CAB39: variants seen among roughly 807,000 people sequenced by gnomAD.
The protein encoded by CAB39 is calcium binding protein 39.
CAB39 carries 8 observed loss-of-function variants against 40.0 expected under a neutral mutation model. That is an observed-to-expected ratio of 0.20 (90% CI 0.12 to 0.36). CAB39 has a LOEUF of 0.36. Ranked by LOEUF, CAB39 falls within the 10% of genes least tolerant of loss-of-function variation. The pLI, the probability that CAB39 is intolerant of heterozygous loss-of-function variation, is 1.00. For synonymous variants in CAB39, 156 were observed against 141.6 expected, an observed-to-expected ratio of 1.10 and a Z score of -0.72; for missense variants, 270 against 401.1, an observed-to-expected ratio of 0.67 and a Z score of 2.79.
intron 1 of CAB39, among the ~76,000 whole-genome samples, chr2:230,715,211 T>A (rs1218619461): frequency 6.6e-6 from 1 of 152,228 alleles, no homozygotes; most frequent in Non-Finnish European, 1.5e-5. Flanking sequence ...ATGGAAGTCT[T>A]CTAAGCATGT....
chr2:230,777,100 G>A (rs963541192), intron 2 of CAB39, among the ~76,000 whole-genome samples: 3 of 152,016 alleles, frequency 2.0e-5, no homozygotes, highest in Admixed American at 1.3e-4. Context: ...TTCCTTCATA[G>A]ATTCTAATTT....
chr2:230,737,633 A>C (rs1694809806), intron 1 of CAB39, among the ~76,000 whole-genome samples: 1 of 152,262 alleles, frequency 6.6e-6, no homozygotes. Context: ...TTCTTCTGCC[A>C]AAATAGTAAA....
At chr2:230,724,751 C>CT (rs576437702) in intron 1 of CAB39, among the ~76,000 whole-genome samples, 5,338 of 111,708 alleles carry the variant, frequency 0.048, 304 homozygotes, top group African/African-American at 0.13. Context: ...CTCGTTTAAT[C>CT]TTTTTTTTTT....
chr2:230,808,534 A>G lies in CAB39; in HGVS notation c.568-1729A>G, dbSNP rs542638641. Among the ~76,000 whole-genome samples the G allele has an allele frequency of 3.9e-5, 6 of 152,376 alleles. 1 individual carries two copies. The highest frequency in any genetic ancestry group is 1.2e-4 in the African/African-American group (5 of 41,594). On this transcript the variant is annotated intron_variant, in intron 5 of 8. Transcript: ENST00000258418. ...CATCTGTGACCCCATGGACCACGGT[A>G]CGAAGATAATGGAAATTCTCTTACC...
chr2:230,724,860 AAGTGAG>A lies in CAB39; in HGVS notation c.-44+11631_-44+11636del, dbSNP rs527909867. On this transcript the variant is annotated intron_variant, in intron 1 of 8. Transcript: ENST00000258418. The stretch of plus-strand genomic sequence containing the variant: ...AGCCAAATGGTATCAAACGGATTGA[AAGTGAG>A]GGTGGGGGTGAGGGATGGGGCCGGG... Among the ~76,000 whole-genome samples the A allele has an allele frequency of 2.2e-3, 331 of 151,752 alleles. 1 individual carries two copies. Among genetic ancestry groups the A allele is most frequent in the African/African-American group, 7.8e-3 (322 of 41,342 alleles).
At chr2:230,752,030 C>T (rs1188589977) in intron 1 of CAB39, 1 of 11,834 alleles carries the variant, frequency 8.5e-5, no homozygotes. Flanking sequence ...ATTCTGACCA[C>T]CCCCCCCCCC....
intron 1 of CAB39, among the ~76,000 whole-genome samples, chr2:230,727,436 A>G (rs1183635013): frequency 8.0e-6 from 1 of 124,708 alleles, no homozygotes; most frequent in Non-Finnish European, 1.6e-5. Context: ...TTTTTTTGAG[A>G]CAGGGTCTTG....
At chr2:230,782,808 TC>T in intron 2 of CAB39, among the ~76,000 whole-genome samples, 1 of 124,964 alleles carries the variant, frequency 8.0e-6, no homozygotes. Flanking sequence ...TTTCTTTCTT[TC>T]TTTCTTTTTT....
intron 1 of CAB39, among the ~76,000 whole-genome samples, chr2:230,747,459 TGAATTACAGTG>T (rs943957586): frequency 3.9e-5 from 6 of 152,236 alleles, no homozygotes; most frequent in Non-Finnish European, 7.3e-5. Context: ...TGAGTTTAAT[TGAATTACAGTG>T]GACAAAATGA....
At chr2:230,750,758 A>G (rs1179554459) in intron 1 of CAB39, among the ~76,000 whole-genome samples, 1 of 152,210 alleles carries the variant, frequency 6.6e-6, no homozygotes, top group Admixed American at 6.5e-5. Flanking sequence ...TTATATTGCT[A>G]TCCAGTTTAT....
intron 1 of CAB39, among the ~76,000 whole-genome samples, chr2:230,727,254 G>A (rs769569709): frequency 2.0e-5 from 3 of 148,974 alleles, no homozygotes; most frequent in South Asian, 2.1e-4. Flanking sequence ...AATTGGAAGC[G>A]GGTACCCTTA....
chr2:230,766,297 G>C (rs1178206625), intron 2 of CAB39, among the ~76,000 whole-genome samples: 1 of 152,112 alleles, frequency 6.6e-6, no homozygotes, highest in African/African-American at 2.4e-5. Context: ...CAAGTAAAGA[G>C]GGGAAATTAT....
At chr2:230,802,536 G>A (rs945078317) in intron 5 of CAB39, among the ~76,000 whole-genome samples, 4 of 152,024 alleles carry the variant, frequency 2.6e-5, no homozygotes, top group Admixed American at 2.6e-4. Context: ...AAAGAAGAGA[G>A]AAGAATCAAA....
intron 1 of CAB39, among the ~76,000 whole-genome samples, chr2:230,716,728 G>A (rs917999154): frequency 9.2e-5 from 14 of 152,214 alleles, no homozygotes; most frequent in African/African-American, 3.1e-4. Context: ...CAGGCCGAGC[G>A]GGGTAGCTCA....
intron 2 of CAB39, among the ~76,000 whole-genome samples, chr2:230,788,693 A>G (rs184576449): frequency 1.4e-3 from 212 of 152,206 alleles, no homozygotes; most frequent in African/African-American, 4.9e-3. Context: ...TAGAATGACA[A>G]TTTGGTTGTG....
At chr2:230,772,781 G>A (rs1004359263) in intron 2 of CAB39, among the ~76,000 whole-genome samples, 4 of 152,128 alleles carry the variant, frequency 2.6e-5, no homozygotes, top group South Asian at 4.2e-4. Context: ...CACCACGCCT[G>A]GCCTAGTTTG....
intron 6 of CAB39, among the ~76,000 whole-genome samples, chr2:230,811,061 T>C (rs1411572381): frequency 1.3e-5 from 2 of 152,326 alleles, no homozygotes; most frequent in East Asian, 3.9e-4. Context: ...ACTGTTGTGA[T>C]GTACTGGTTT....
intron 8 of CAB39, 87 bp from the exon 9 acceptor site, chr2:230,818,429 C>G (rs764074903): frequency 2.3e-5 from 25 of 1,073,740 alleles, no homozygotes; most frequent in Non-Finnish European, 3.4e-5. Context: ...GAGAGCACAG[C>G]TCTGCTTTTC....
chr2:230,786,881 C>A (rs2124952104), intron 2 of CAB39, among the ~76,000 whole-genome samples: 1 of 152,118 alleles, frequency 6.6e-6, no homozygotes, highest in South Asian at 2.1e-4. Context: ...TTCTCTTGGC[C>A]CAGAAAAATT....
Sources: allele counts gnomAD v4.1 joint callset (sites outside exome capture counted in the v4.1 genomes callset), GRCh38; gene constraint gnomAD v4.1.1; transcripts MANE v1.5; gene names NCBI Gene and HGNC (gene_info 2026-07-23, HGNC 2026-07-21).